The following SPIDR variants were observed in gnomAD, a reference collection of about 807,000 sequenced individuals.
SPIDR encodes DNA repair-scaffolding protein.
A neutral mutation model predicts 104.6 loss-of-function variants in SPIDR; 93 were observed. That is an observed-to-expected ratio of 0.89 (90% CI 0.75 to 1.06). The LOEUF (loss-of-function observed/expected upper bound fraction) is 1.06. SPIDR is among the 50% of genes least tolerant of loss of function. SPIDR has a pLI of 0.00. For missense variants in SPIDR, 1,154 were observed against 1,111.2 expected (o/e 1.04, Z -0.55); for synonymous variants, 431 against 416.9 (o/e 1.03, Z -0.41).
rs372518926 is a variant in SPIDR at position 47,701,993 on chromosome 8, C to T, written c.1955C>T (p.Thr652Met). Residue 652 changes from threonine (T) to methionine (M), a missense_variant, in exon 14 of 20, where the codon ACG becomes ATG. By Grantham distance (81) the Thr-to-Met change is moderately conservative. Coordinates refer to ENST00000297423, the MANE Select transcript of SPIDR (RefSeq NM_001080394.4). The part of the protein sequence containing the change: ...DLGTRCSFYA[T>M]VIYQKPQLKS... The stretch of plus-strand genomic sequence containing the variant: ...GGTACCCGTTGCAGTTTCTATGCCA[C>T]GGTGATTTACCAAAAACCACAGGTA... The T allele has an allele frequency of 1.7e-5, 28 of 1,613,620 alleles. No homozygotes were observed. The highest frequency in any genetic ancestry group is 1.6e-4 in the Middle Eastern group (1 of 6,082).
intron 8 of SPIDR, among the ~76,000 whole-genome samples, chr8:47,509,523 G>A (rs1003507852): frequency 1.1e-4 from 17 of 152,158 alleles, no homozygotes. Flanking sequence ...GCCACTTATA[G>A]ACTGGCATTT....
intron 5 of SPIDR, among the ~76,000 whole-genome samples, chr8:47,371,143 T>G (rs1272068487): frequency 6.6e-6 from 1 of 151,658 alleles, no homozygotes; most frequent in Non-Finnish European, 1.5e-5. Flanking sequence ...TTTTTTTTTT[T>G]TTAAGGAAAA....
chr8:47,330,276 C>G (rs543757067), intron 5 of SPIDR, among the ~76,000 whole-genome samples: 1 of 152,022 alleles, frequency 6.6e-6, no homozygotes, highest in Non-Finnish European at 1.5e-5. Flanking sequence ...ATTCCCTCCC[C>G]CACATATGCA....
chr8:47,676,109 T>C (rs1037836773), intron 11 of SPIDR, among the ~76,000 whole-genome samples: 1 of 152,238 alleles, frequency 6.6e-6, no homozygotes, highest in Non-Finnish European at 1.5e-5. Flanking sequence ...AAAGGTCCTG[T>C]TCTTTCACCA....
rs371232914 is a variant in SPIDR, at chr8:47,523,202, T to C, written c.1098-72609T>C. Among the ~76,000 whole-genome samples the C allele has an allele frequency of 1.6e-4, 25 of 152,250 alleles. No individual in the cohort carries two copies. In the South Asian group the frequency reaches 5.2e-3, roughly 32 times the overall value. ...AGTATTTCTTTTGGAATTTGAACTT[T>C]AATACTACTTTGGTGTGTTTTCACC... On this transcript the variant is annotated intron_variant, in intron 8 of 19. Transcript: ENST00000297423.
chr8:47,696,303 C>G (rs1364098392), intron 11 of SPIDR, among the ~76,000 whole-genome samples: 1 of 152,104 alleles, frequency 6.6e-6, no homozygotes, highest in East Asian at 1.9e-4. Context: ...AAATATGTTA[C>G]CAACAACAAA....
chr8:47,401,849 C>G (rs1554663189), intron 6 of SPIDR, among the ~76,000 whole-genome samples: 1 of 152,142 alleles, frequency 6.6e-6, no homozygotes, highest in Non-Finnish European at 1.5e-5. Flanking sequence ...CCTTAGAGAC[C>G]TACAAAGAGA....
At chr8:47,502,009 C>T (rs374251292) in intron 8 of SPIDR, among the ~76,000 whole-genome samples, 8 of 152,086 alleles carry the variant, frequency 5.3e-5, no homozygotes, top group African/African-American at 1.2e-4. Flanking sequence ...TGATCATGGT[C>T]GATAAGTTTT....
At chr8:47,300,214 CCTAGATTTT>C (rs2041797736) in intron 5 of SPIDR, among the ~76,000 whole-genome samples, 1 of 152,072 alleles carries the variant, frequency 6.6e-6, no homozygotes, top group African/African-American at 2.4e-5. Flanking sequence ...ACCCGTTTCT[CCTAGATTTT>C]CTAATTTATT....
At chr8:47,403,826 T>G (rs1242577770) in intron 6 of SPIDR, among the ~76,000 whole-genome samples, 1 of 152,186 alleles carries the variant, frequency 6.6e-6, no homozygotes, top group Non-Finnish European at 1.5e-5. Context: ...TACCAATGAC[T>G]TTCTTCACAG....
chr8:47,351,635 T>C (rs576142382), intron 5 of SPIDR, among the ~76,000 whole-genome samples: 3 of 152,300 alleles, frequency 2.0e-5, no homozygotes, highest in Admixed American at 2.0e-4. Context: ...GATATGTGGA[T>C]TCAATCAACC....
At chr8:47,342,999 A>G (rs138729132) in intron 5 of SPIDR, among the ~76,000 whole-genome samples, 291 of 152,316 alleles carry the variant, frequency 1.9e-3, no homozygotes, top group African/African-American at 6.8e-3. Context: ...ACTTTATTAT[A>G]CTAGTAAATT....
chr8:47,734,071 G>A (rs552855320), intron 19 of SPIDR, among the ~76,000 whole-genome samples: 2 of 152,148 alleles, frequency 1.3e-5, no homozygotes, highest in African/African-American at 4.8e-5. Flanking sequence ...AAACTTGGTG[G>A]CATCAATATT....
At chr8:47,611,685 G>A (rs1228483819) in intron 10 of SPIDR, among the ~76,000 whole-genome samples, 9 of 151,658 alleles carry the variant, frequency 5.9e-5, no homozygotes, top group African/African-American at 1.5e-4. Context: ...GCAACAGAGC[G>A]AGACTCCATC....
At chr8:47,580,247 A>C (rs78557167) in intron 8 of SPIDR, among the ~76,000 whole-genome samples, 1 of 152,276 alleles carries the variant, frequency 6.6e-6, no homozygotes, top group Non-Finnish European at 1.5e-5. Context: ...GGTTTTGAGT[A>C]AGTAACACTA....
intron 8 of SPIDR, among the ~76,000 whole-genome samples, chr8:47,441,011 A>G (rs2069318493): frequency 6.6e-6 from 1 of 152,236 alleles, no homozygotes; most frequent in Non-Finnish European, 1.5e-5. Flanking sequence ...AAAGGATACT[A>G]TGTGTGCTGT....
intron 10 of SPIDR, among the ~76,000 whole-genome samples, chr8:47,607,778 C>T (rs894641301): frequency 1.3e-5 from 2 of 151,848 alleles, no homozygotes; most frequent in Non-Finnish European, 2.9e-5. Context: ...TGCCATTCTT[C>T]CTGTCCACAT....
chr8:47,390,598 A>C (rs2060472207), intron 5 of SPIDR, among the ~76,000 whole-genome samples: 1 of 151,976 alleles, frequency 6.6e-6, no homozygotes, highest in Non-Finnish European at 1.5e-5. Context: ...ATTAAAAAAA[A>C]AAAAAACTAA....
chr8:47,464,497 T>A (rs2074445523), intron 8 of SPIDR, among the ~76,000 whole-genome samples: 1 of 152,054 alleles, frequency 6.6e-6, no homozygotes, highest in Non-Finnish European at 1.5e-5. Context: ...GCTGAAGGGA[T>A]AGGAAGCTGG....
Sources: gnomAD v4.1 joint callset for allele counts (sites outside exome capture counted in the v4.1 genomes callset) on GRCh38, gnomAD v4.1.1 for gene constraint, MANE v1.5 for transcripts, NCBI Gene and HGNC (gene_info 2026-07-23, HGNC 2026-07-21) for gene names.